TBC1D5: variants seen among roughly 807,000 people sequenced by gnomAD.
TBC1D5 encodes the protein TBC1 domain family member 5.
A neutral mutation model predicts 100.3 loss-of-function variants in TBC1D5; 75 were observed. That is an observed-to-expected ratio of 0.75 (90% CI 0.62 to 0.91). The LOEUF is 0.91. Among genes scored for constraint, TBC1D5 ranks in the 40% least tolerant of loss-of-function variants. TBC1D5 has a pLI of 0.00. For missense variants in TBC1D5, 910 were observed against 942.4 expected, an observed-to-expected ratio of 0.97 and a Z score of 0.45; for synonymous variants, 323 against 325.6, an observed-to-expected ratio of 0.99 and a Z score of 0.09.
At chr3:17,404,926 T>C in exon 6 of TBC1D5, 15 of 1,600,572 alleles carry the variant, frequency 9.4e-6, no homozygotes, top group Non-Finnish European at 1.3e-5. Context: ...TACTTATCCA[T>C]TGACTTTTGT....
At chr3:17,669,417 T>C (rs796626451) in intron 1 of TBC1D5, among the ~76,000 whole-genome samples, 39 of 152,252 alleles carry the variant, frequency 2.6e-4, no homozygotes, top group African/African-American at 8.7e-4. Flanking sequence ...AGTGAAATAA[T>C]ATATATAGTA....
intron 14 of TBC1D5, among the ~76,000 whole-genome samples, 187 bp downstream of exon 14, chr3:17,307,805 T>G (rs1296671359): frequency 6.6e-6 from 1 of 152,200 alleles, no homozygotes; most frequent in Non-Finnish European, 1.5e-5. Context: ...CATCTCCCAA[T>G]GTGTACACAG....
chr3:17,698,140 CTA>C (rs1367915512), intron 1 of TBC1D5, among the ~76,000 whole-genome samples: 1 of 151,938 alleles, frequency 6.6e-6, no homozygotes, highest in Non-Finnish European at 1.5e-5. Flanking sequence ...TGACTTCAAA[CTA>C]TACTACAAGG....
intron 13 of TBC1D5, among the ~76,000 whole-genome samples, chr3:17,336,710 GAA>G (rs561038855): frequency 1.4e-5 from 2 of 142,022 alleles, no homozygotes; most frequent in Admixed American, 7.1e-5. Context: ...TAGCATCACT[GAA>G]AAAAAAAAAG....
chr3:17,295,420 G>C (rs1453478080), intron 14 of TBC1D5, among the ~76,000 whole-genome samples: 3 of 152,220 alleles, frequency 2.0e-5, no homozygotes, highest in Non-Finnish European at 4.4e-5. Context: ...TTGATGAATA[G>C]CATTACCTCC....
intron 9 of TBC1D5, among the ~76,000 whole-genome samples, chr3:17,383,573 A>G (rs1653045814): frequency 6.6e-6 from 1 of 152,060 alleles, no homozygotes. Flanking sequence ...ATATTTATAA[A>G]TGCTATACTT....
At chr3:17,278,032 C>CA (rs374135639) in intron 15 of TBC1D5, among the ~76,000 whole-genome samples, 43 of 152,242 alleles carry the variant, frequency 2.8e-4, no homozygotes, top group African/African-American at 9.4e-4. Context: ...ACAATGAGCC[C>CA]ATGTTACCAG....
At chr3:17,577,197 A>C (rs998172461) in intron 2 of TBC1D5, among the ~76,000 whole-genome samples, 2 of 151,984 alleles carry the variant, frequency 1.3e-5, no homozygotes, top group South Asian at 2.1e-4. Context: ...TGCATATAAA[A>C]ATTTCTTGAG....
At chr3:17,633,832 C>G (rs1466546862) in intron 1 of TBC1D5, among the ~76,000 whole-genome samples, 2 of 152,092 alleles carry the variant, frequency 1.3e-5, no homozygotes, top group Non-Finnish European at 2.9e-5. Context: ...TATGGCCCAA[C>G]CCTTCTAGGA....
chr3:17,264,077 C>G (rs1656503064), intron 15 of TBC1D5, among the ~76,000 whole-genome samples: 1 of 152,046 alleles, frequency 6.6e-6, no homozygotes, highest in African/African-American at 2.4e-5. Flanking sequence ...GTCTGTAGAT[C>G]AGCTGACCTA....
intron 19 of TBC1D5, among the ~76,000 whole-genome samples, chr3:17,172,211 C>T (rs1016564762): frequency 3.9e-5 from 6 of 152,126 alleles, no homozygotes; most frequent in African/African-American, 9.7e-5. Flanking sequence ...AAAAGGGCAC[C>T]TTCAGAGGCT....
intron 13 of TBC1D5, among the ~76,000 whole-genome samples, chr3:17,319,876 A>G (rs2085176213): frequency 1.3e-5 from 2 of 152,338 alleles, no homozygotes; most frequent in South Asian, 4.1e-4. Flanking sequence ...TCTCAAAAGA[A>G]AAAGAAGAAA....
At position 17,617,232 on chromosome 3, in the gene TBC1D5, G is replaced by A. The variant is rs529259085; in HGVS notation, c.-36+6617C>T. Among the ~76,000 whole-genome samples the A allele has an allele frequency of 1.2e-4, 18 of 152,304 alleles. No homozygotes were observed. In the South Asian group the frequency reaches 2.5e-3, roughly 21 times the overall value. ...GGCTCCCACTCTCTTCTGGCTTATA[G>A]GGTTTCTGCCGAGAGATCCGCTGTT... On this transcript the variant is annotated intron_variant, in intron 2 of 21. Coordinates refer to ENST00000253692, the Ensembl canonical transcript of TBC1D5.
chr3:17,375,673 T>TA (rs964435697), intron 10 of TBC1D5, among the ~76,000 whole-genome samples: 28 of 149,246 alleles, frequency 1.9e-4, no homozygotes, highest in Non-Finnish European at 2.7e-4. Context: ...TTGTCAAGAT[T>TA]AAAAAAAAAA....
chr3:17,676,810 A>G (rs1323579965), intron 1 of TBC1D5, among the ~76,000 whole-genome samples: 1 of 152,212 alleles, frequency 6.6e-6, no homozygotes, highest in African/African-American at 2.4e-5. Context: ...AGAGATATAG[A>G]CCAATGGAAC....
At chr3:17,661,504 C>CT (rs34017083) in intron 1 of TBC1D5, among the ~76,000 whole-genome samples, 2,051 of 133,382 alleles carry the variant, frequency 0.015, 21 homozygotes, top group Non-Finnish European at 0.02. Context: ...TCATTAGCAT[C>CT]TTTTTTTTTT....
intron 2 of TBC1D5, among the ~76,000 whole-genome samples, chr3:17,578,189 A>G (rs777069887): frequency 6.6e-6 from 1 of 152,080 alleles, no homozygotes; most frequent in Non-Finnish European, 1.5e-5. Flanking sequence ...TGATAAATTA[A>G]GTACCGTTTT....
At chr3:17,280,143 A>G (rs2080424916) in intron 15 of TBC1D5, among the ~76,000 whole-genome samples, 1 of 152,230 alleles carries the variant, frequency 6.6e-6, no homozygotes, top group Non-Finnish European at 1.5e-5. Flanking sequence ...AAGACAGACA[A>G]TAGAAAATAA....
intron 4 of TBC1D5, among the ~76,000 whole-genome samples, chr3:17,411,510 TCA>T (rs1389163837): frequency 6.6e-6 from 1 of 152,110 alleles, no homozygotes; most frequent in African/African-American, 2.4e-5. Flanking sequence ...CCAAAAGGAA[TCA>T]CAATTTGTGA....
Sources: gnomAD v4.1 joint callset for allele counts (sites outside exome capture counted in the v4.1 genomes callset) on GRCh38, gnomAD v4.1.1 for gene constraint, MANE v1.5 for transcripts, NCBI Gene and HGNC (gene_info 2026-07-23, HGNC 2026-07-21) for gene names.